Variants in GFRA2 observed in about 807,000 individuals in gnomAD.
GFRA2 encodes the protein GDNF family receptor alpha-2.
A neutral mutation model predicts 48.3 loss-of-function variants in GFRA2; 17 were observed. The observed-to-expected ratio is 0.35, with a 90% confidence interval of 0.24 to 0.53. GFRA2 has a LOEUF of 0.53. Ranked by LOEUF, GFRA2 falls within the 20% of genes least tolerant of loss-of-function variation. The pLI is 0.93. For synonymous variants in GFRA2, 305 were observed against 257.2 expected (o/e 1.19, Z -1.78); for missense variants, 660 against 637.3 (o/e 1.04, Z -0.38).
chr8:21,761,960 A>T (rs755047017), intron 3 of GFRA2, among the ~76,000 whole-genome samples: 75 of 152,106 alleles, frequency 4.9e-4, no homozygotes, highest in Admixed American at 9.2e-4. Context: ...TAAAAAAATT[A>T]AAAAAATTAA....
chr8:21,773,229 C>T (rs1806521843), intron 3 of GFRA2, among the ~76,000 whole-genome samples: 1 of 152,238 alleles, frequency 6.6e-6, no homozygotes, highest in African/African-American at 2.4e-5. Flanking sequence ...ATGGTGCCCA[C>T]AGGCAGTGCC....
intron 7 of GFRA2, among the ~76,000 whole-genome samples, chr8:21,696,391 T>C (rs941519150): frequency 6.6e-6 from 1 of 152,112 alleles, no homozygotes; most frequent in Non-Finnish European, 1.5e-5. Flanking sequence ...TATTTGTATA[T>C]TGGAGGTACG....
At chr8:21,806,949 C>T (rs568176669) in intron 1 of GFRA2, among the ~76,000 whole-genome samples, 1 of 152,150 alleles carries the variant, frequency 6.6e-6, no homozygotes, top group Non-Finnish European at 1.5e-5. Context: ...GCTACAATGT[C>T]GCTATTGGTC....
At chr8:21,725,672 G>A (rs543031764) in intron 4 of GFRA2, among the ~76,000 whole-genome samples, 8 of 152,184 alleles carry the variant, frequency 5.3e-5, no homozygotes, top group African/African-American at 1.9e-4. Flanking sequence ...CACAGGTAGT[G>A]CAAAATTCCC....
chr8:21,732,812 G>A (rs1009663105), intron 4 of GFRA2, among the ~76,000 whole-genome samples: 1 of 152,188 alleles, frequency 6.6e-6, no homozygotes, highest in Admixed American at 6.5e-5. Context: ...CAACACATAA[G>A]AATAGCTCTG....
chr8:21,754,495 CTTTT>C (rs1192937060), intron 3 of GFRA2, among the ~76,000 whole-genome samples: 1 of 125,082 alleles, frequency 8.0e-6, no homozygotes, highest in East Asian at 2.4e-4. Flanking sequence ...CAACAATGGT[CTTTT>C]TTTTTCTTTT....
chr8:21,777,400 GGGT>G (rs1806759604), intron 2 of GFRA2, among the ~76,000 whole-genome samples: 2 of 152,022 alleles, frequency 1.3e-5, no homozygotes, highest in Non-Finnish European at 1.5e-5. Context: ...CTGATTAATG[GGGT>G]GGGGGTGGCA....
At chr8:21,735,604 C>G (rs1057208300) in intron 4 of GFRA2, among the ~76,000 whole-genome samples, 2 of 152,148 alleles carry the variant, frequency 1.3e-5, no homozygotes, top group Non-Finnish European at 2.9e-5. Context: ...TCCTTAAAGG[C>G]GAGGTTTCAT....
At chr8:21,710,262 G>T (rs958762622) in intron 4 of GFRA2, among the ~76,000 whole-genome samples, 7 of 152,262 alleles carry the variant, frequency 4.6e-5, no homozygotes, top group African/African-American at 7.2e-5. Context: ...AGGAGACAAT[G>T]AGTGAGGGCG....
chr8:21,705,130 G>C lies in GFRA2; in HGVS notation c.905-5C>G. ...AGTTAGGTGTCATGTCAAACCCTGGGCAGGAAGAAAGGTGGGGGAGAGGAG... is the reference window on the plus strand; with the variant it reads ...AGTTAGGTGTCATGTCAAACCCTGGCCAGGAAGAAAGGTGGGGGAGAGGAG... On this transcript the variant is annotated splice_region_variant and splice_polypyrimidine_tract_variant and intron_variant, in intron 5 of 8. Transcript: ENST00000524240. 6.2e-7 allele frequency: 1 copy of C among 1,607,496 alleles called. No individual in the cohort carries two copies. The highest frequency in any genetic ancestry group is 2.2e-5 in the East Asian group (1 of 44,836).
intron 4 of GFRA2, among the ~76,000 whole-genome samples, chr8:21,746,078 G>C (rs1218602882): frequency 6.6e-6 from 1 of 152,158 alleles, no homozygotes; most frequent in South Asian, 2.1e-4. Context: ...TCATTTGATC[G>C]ATGAAGAGCC....
chr8:21,765,729 G>A (rs1009560595), intron 3 of GFRA2, among the ~76,000 whole-genome samples: 3 of 151,992 alleles, frequency 2.0e-5, no homozygotes, highest in Non-Finnish European at 4.4e-5. Context: ...ACCCTAAAAT[G>A]GCCAATACAG....
At chr8:21,797,779 C>G (rs1355271752) in intron 2 of GFRA2, 1 of 152,052 alleles carries the variant, frequency 6.6e-6, no homozygotes, top group Non-Finnish European at 1.5e-5. Context: ...TTTCCTTATG[C>G]CAATATGGAA....
At position 21,774,355 on chromosome 8, in the gene GFRA2, A is replaced by G. The variant is rs993076330; in HGVS notation, c.439+617T>C. ...GAGACGGTATCACTTCCCAAGGAGG[A>G]TGGCACAGGGGGTGGCCTGAGGACC... On this transcript the variant is annotated intron_variant, in intron 3 of 8. Coordinates refer to ENST00000524240, the MANE Select transcript of GFRA2 (RefSeq NM_001495.5). 2.8e-3 allele frequency among the ~76,000 whole-genome samples: 423 copies of G among 152,244 alleles called. 2 individuals are homozygous for G. Among genetic ancestry groups the G allele is most frequent in the African/African-American group, 1.0e-2 (414 of 41,552 alleles).
At chr8:21,768,761 T>C (rs1806301231) in intron 3 of GFRA2, among the ~76,000 whole-genome samples, 1 of 152,030 alleles carries the variant, frequency 6.6e-6, no homozygotes, top group Admixed American at 6.5e-5. Flanking sequence ...AGCTCCTCCC[T>C]AGGGACCCGA....
At chr8:21,710,292 G>A (rs1468250181) in intron 4 of GFRA2, among the ~76,000 whole-genome samples, 6 of 152,214 alleles carry the variant, frequency 3.9e-5, no homozygotes, top group Non-Finnish European at 7.4e-5. Flanking sequence ...GCAGGCGCCC[G>A]ATGGAGACAG....
At chr8:21,704,953 T>A (rs1327816029) in intron 6 of GFRA2, 32 bp downstream of exon 6, 2 of 1,549,636 alleles carry the variant, frequency 1.3e-6, no homozygotes, top group Non-Finnish European at 1.8e-6. Flanking sequence ...TGGGAGGGGC[T>A]GCTGGGGTTG....
chr8:21,729,513 C>A (rs1804072644), intron 4 of GFRA2, among the ~76,000 whole-genome samples: 1 of 152,120 alleles, frequency 6.6e-6, no homozygotes, highest in Admixed American at 6.5e-5. Flanking sequence ...CCTGCCCTTC[C>A]TCGCACTTAC....
upstream of GFRA2, among the ~76,000 whole-genome samples, chr8:21,793,384 CAGAG>C (rs1314843625): frequency 7.3e-4 from 111 of 152,102 alleles, no homozygotes; most frequent in African/African-American, 2.7e-3. Flanking sequence ...TGGGCGTGGA[CAGAG>C]GGAGAGGGTT....
Sources: allele counts gnomAD v4.1 joint callset (sites outside exome capture counted in the v4.1 genomes callset), GRCh38; gene constraint gnomAD v4.1.1; transcripts MANE v1.5; gene names NCBI Gene and HGNC (gene_info 2026-07-23, HGNC 2026-07-21).